The following WWOX variants were observed in gnomAD, a reference collection of about 807,000 sequenced individuals.
The protein encoded by WWOX is WW domain-containing oxidoreductase.
Under a neutral mutation model 46.2 loss-of-function variants are expected in WWOX, and 69 were observed. The observed-to-expected ratio is 1.49, with a 90% CI of 1.23 to 1.82. WWOX has a LOEUF of 1.82. Ranked by LOEUF, WWOX falls within the 40% of genes most tolerant of loss-of-function variation. The pLI, the probability that WWOX is intolerant of heterozygous loss-of-function variation, is 0.00. For synonymous variants in WWOX, 359 were observed against 202.6 expected (o/e 1.77, Z -6.56); for missense variants, 919 against 542.6 (o/e 1.69, Z -6.89).
intron 6 of WWOX, among the ~76,000 whole-genome samples, chr16:78,403,350 C>G (rs1821495252): frequency 6.6e-6 from 1 of 152,178 alleles, no homozygotes; most frequent in Non-Finnish European, 1.5e-5. Flanking sequence ...GTACTTAAAA[C>G]TATTCTATAA....
At chr16:78,557,909 C>T (rs1333746241) in intron 8 of WWOX, among the ~76,000 whole-genome samples, 1 of 152,042 alleles carries the variant, frequency 6.6e-6, no homozygotes, top group Non-Finnish European at 1.5e-5. Flanking sequence ...GTTGGCCAGG[C>T]TGCTCTCGAA....
chr16:78,855,758 C>A (rs933136710), intron 8 of WWOX, among the ~76,000 whole-genome samples: 1 of 152,198 alleles, frequency 6.6e-6, no homozygotes, highest in African/African-American at 2.4e-5. Context: ...TCTGTGTTTG[C>A]TTCCCTCATG....
chr16:79,180,539 T>C (rs1232764545), intron 8 of WWOX, among the ~76,000 whole-genome samples: 2 of 152,248 alleles, frequency 1.3e-5, no homozygotes, highest in African/African-American at 2.4e-5. Flanking sequence ...GGGAAGGAGA[T>C]AGGGGCAGGA....
chr16:78,441,400 C>T (rs559373753), intron 8 of WWOX, among the ~76,000 whole-genome samples: 147 of 152,270 alleles, frequency 9.7e-4, no homozygotes, highest in African/African-American at 3.4e-3. Context: ...TCATTTATCC[C>T]TCTGAGGTAG....
chr16:78,751,314 T>C (rs2049470159), intron 8 of WWOX, among the ~76,000 whole-genome samples: 1 of 151,108 alleles, frequency 6.6e-6, no homozygotes, highest in Non-Finnish European at 1.5e-5. Flanking sequence ...TAGCTGGGTT[T>C]CCTGGGAGTC....
chr16:78,857,961 C>T (rs2052605158), intron 8 of WWOX, among the ~76,000 whole-genome samples: 1 of 152,002 alleles, frequency 6.6e-6, no homozygotes, highest in African/African-American at 2.4e-5. Context: ...AGAATGAATG[C>T]TTTTTTAGCG....
At position 78,944,620 on chromosome 16, in the gene WWOX, C is replaced by G. The variant is rs572240372; in HGVS notation, c.1057-266988C>G. On this transcript the variant is annotated intron_variant, in intron 8 of 8. Coordinates refer to ENST00000566780, the MANE Select transcript of WWOX (RefSeq NM_016373.4). ...TCTTTCCCAAAGATCATACTGGGAT[C>G]TTTGGAATGAATGGCGGGTCACCCA... Among the ~76,000 whole-genome samples, 51 of 152,250 alleles carry G rather than the reference C, an allele frequency of 3.3e-4. 1 individual carries two copies. The highest frequency in any genetic ancestry group is 1.1e-3 in the African/African-American group (45 of 41,548).
chr16:78,591,298 A>G (rs1431106480), intron 8 of WWOX, among the ~76,000 whole-genome samples: 2 of 152,160 alleles, frequency 1.3e-5, no homozygotes, highest in African/African-American at 2.4e-5. Flanking sequence ...TTAGGCTGAC[A>G]TCTCCTTGAC....
chr16:78,623,725 ACT>A (rs1211907686), intron 8 of WWOX, among the ~76,000 whole-genome samples: 1 of 99,048 alleles, frequency 1.0e-5, no homozygotes, highest in African/African-American at 4.1e-5. Context: ...ACAGAGTCAG[ACT>A]CTGTCTCAAA....
intron 8 of WWOX, among the ~76,000 whole-genome samples, chr16:78,818,354 G>A (rs183933802): frequency 2.0e-5 from 3 of 152,338 alleles, no homozygotes; most frequent in African/African-American, 4.8e-5. Flanking sequence ...GCCCTTCTCT[G>A]TTGATTAGGG....
intron 8 of WWOX, among the ~76,000 whole-genome samples, chr16:79,176,908 C>G (rs1286613987): frequency 6.6e-6 from 1 of 152,134 alleles, no homozygotes. Flanking sequence ...CCGACTTTGG[C>G]TCCCCTTCCT....
intron 8 of WWOX, among the ~76,000 whole-genome samples, chr16:78,875,299 C>G (rs2044212904): frequency 6.6e-6 from 1 of 152,172 alleles, no homozygotes; most frequent in African/African-American, 2.4e-5. Flanking sequence ...TTAAAAACCC[C>G]AGTGTGCTGA....
At chr16:78,882,868 T>A (rs968875756) in intron 8 of WWOX, among the ~76,000 whole-genome samples, 2 of 150,682 alleles carry the variant, frequency 1.3e-5, no homozygotes, top group Admixed American at 1.3e-4. Flanking sequence ...AGCAAAGACT[T>A]CCTGAGTGTC....
intron 7 of WWOX, among the ~76,000 whole-genome samples, chr16:78,431,420 T>C (rs904844203): frequency 6.6e-6 from 1 of 152,194 alleles, no homozygotes; most frequent in Non-Finnish European, 1.5e-5. Flanking sequence ...CTATAATTTC[T>C]TGGATGCTCA....
intron 8 of WWOX, chr16:79,202,501 A>C (rs933154204): frequency 2.0e-5 from 3 of 152,264 alleles, no homozygotes; most frequent in African/African-American, 4.8e-5. Context: ...AGCCCAAGCC[A>C]AGTCCTTCCA....
At chr16:78,555,811 T>C (rs2044280266) in intron 8 of WWOX, among the ~76,000 whole-genome samples, 2 of 152,086 alleles carry the variant, frequency 1.3e-5, no homozygotes, top group Non-Finnish European at 1.5e-5. Flanking sequence ...GGAGGACTCT[T>C]CTGAGCCATG....
intron 8 of WWOX, chr16:79,110,709 C>G (rs553908069): frequency 5.9e-5 from 9 of 152,138 alleles, no homozygotes; most frequent in Non-Finnish European, 8.8e-5. Flanking sequence ...CCACTTTCAA[C>G]AATTCTGAAG....
At chr16:78,791,183 T>C (rs532846534) in intron 8 of WWOX, among the ~76,000 whole-genome samples, 1 of 152,190 alleles carries the variant, frequency 6.6e-6, no homozygotes, top group Non-Finnish European at 1.5e-5. Flanking sequence ...ACCATCTGGA[T>C]GTGGGCTGTA....
chr16:78,512,878 G>A (rs968708237), intron 8 of WWOX, among the ~76,000 whole-genome samples: 1 of 152,168 alleles, frequency 6.6e-6, no homozygotes, highest in Admixed American at 6.5e-5. Context: ...CACTTTGGAA[G>A]AATCTGGATC....
Sources: allele counts gnomAD v4.1 joint callset (sites outside exome capture counted in the v4.1 genomes callset), GRCh38; gene constraint gnomAD v4.1.1; transcripts MANE v1.5; gene names NCBI Gene and HGNC (gene_info 2026-07-23, HGNC 2026-07-21).